Variants in ZNF423 observed in about 807,000 individuals in gnomAD.
ZNF423 encodes the protein zinc finger protein 423.
ZNF423 carries 12 observed loss-of-function variants against 95.8 expected under a neutral mutation model. The observed-to-expected ratio is 0.13, with a 90% CI of 0.08 to 0.20. ZNF423 has a LOEUF of 0.20. Among genes scored for constraint, ZNF423 ranks in the 10% least tolerant of loss-of-function variants. ZNF423 has a pLI of 1.00. For synonymous variants in ZNF423, 749 were observed against 711.9 expected (o/e 1.05, Z -0.83); for missense variants, 1,316 against 1,737.1 (o/e 0.76, Z 4.31).
intron 1 of ZNF423, among the ~76,000 whole-genome samples, chr16:49,828,231 C>T (rs566150652): frequency 2.0e-5 from 3 of 152,312 alleles, no homozygotes; most frequent in South Asian, 2.1e-4. Flanking sequence ...GCTCAGCCAT[C>T]GCTGCTTAGA....
intron 3 of ZNF423, among the ~76,000 whole-genome samples, chr16:49,689,916 G>A (rs556739675): frequency 6.6e-6 from 1 of 152,302 alleles, no homozygotes; most frequent in East Asian, 1.9e-4. Context: ...TCTGCCACCA[G>A]ATAGCTCAAT....
At chr16:49,678,109 G>A (rs1340908590) in intron 3 of ZNF423, among the ~76,000 whole-genome samples, 1 of 152,086 alleles carries the variant, frequency 6.6e-6, no homozygotes, top group Non-Finnish European at 1.5e-5. Context: ...CTTGAGCTTG[G>A]GAGGTGAAGG....
At position 49,656,510 on chromosome 16, in the gene ZNF423, A is replaced by T. The variant is rs1039884511; in HGVS notation, c.302-17636T>A. Among the ~76,000 whole-genome samples, 3 of 149,230 alleles carry T rather than the reference A, an allele frequency of 2.0e-5. No individual in the cohort carries two copies. The Admixed American group carries it at 2.0e-4, about 10-fold the overall frequency. On this transcript the variant is annotated intron_variant, in intron 3 of 7. Coordinates refer to ENST00000563137, the MANE Select transcript of ZNF423 (RefSeq NM_001379286.1). The stretch of plus-strand genomic sequence containing the variant: ...GGATGACAGAGCAAGACTCTGTCTT[A>T]AAAAAAAAAGAAAAAAAAAGGCAAG...
chr16:49,639,267 CA>C (rs1972884980), intron 3 of ZNF423, among the ~76,000 whole-genome samples: 1 of 152,122 alleles, frequency 6.6e-6, no homozygotes, highest in East Asian at 1.9e-4. Flanking sequence ...CAAGTCCTGT[CA>C]CTTGATCCAC....
chr16:49,829,519 G>A (rs767867622), intron 1 of ZNF423, among the ~76,000 whole-genome samples: 7 of 152,120 alleles, frequency 4.6e-5, no homozygotes, highest in South Asian at 2.1e-4. Context: ...GTGCAGAAAG[G>A]GTCAGATCCA....
intron 7 of ZNF423, among the ~76,000 whole-genome samples, chr16:49,509,415 A>G (rs1330089716): frequency 2.0e-5 from 3 of 152,188 alleles, no homozygotes; most frequent in Non-Finnish European, 4.4e-5. Flanking sequence ...GTGGAGCCAC[A>G]TTATTGACAC....
chr16:49,696,189 C>T (rs2031963021), intron 3 of ZNF423, among the ~76,000 whole-genome samples: 1 of 152,180 alleles, frequency 6.6e-6, no homozygotes, highest in South Asian at 2.1e-4. Context: ...TCCTTCCTCT[C>T]GCTTGAATGA....
At chr16:49,621,662 C>T (rs891881202) in intron 5 of ZNF423, among the ~76,000 whole-genome samples, 6 of 152,158 alleles carry the variant, frequency 3.9e-5, no homozygotes, top group African/African-American at 1.2e-4. Flanking sequence ...GGGACTTTTA[C>T]CCCCGTCAGC....
intron 5 of ZNF423, among the ~76,000 whole-genome samples, chr16:49,606,330 C>A (rs1971536086): frequency 6.6e-6 from 1 of 151,984 alleles, no homozygotes; most frequent in African/African-American, 2.4e-5. Flanking sequence ...CCTAGAGAAG[C>A]CAGCTTAAGA....
At chr16:49,539,340 C>A (rs1969169631) in intron 5 of ZNF423, among the ~76,000 whole-genome samples, 1 of 152,152 alleles carries the variant, frequency 6.6e-6, no homozygotes, top group African/African-American at 2.4e-5. Context: ...AACCCCATAC[C>A]ACCTCAGCCA....
intron 5 of ZNF423, among the ~76,000 whole-genome samples, chr16:49,598,949 A>G (rs189974266): frequency 1.3e-5 from 2 of 152,328 alleles, no homozygotes; most frequent in East Asian, 3.9e-4. Context: ...TTAACACCTG[A>G]AAGTGGGGTG....
chr16:49,848,089 G>A (rs1428634678), intron 1 of ZNF423, among the ~76,000 whole-genome samples: 2 of 152,004 alleles, frequency 1.3e-5, no homozygotes, highest in Admixed American at 1.3e-4. Flanking sequence ...GGGGGACAGA[G>A]CAAGATCCTG....
chr16:49,535,433 G>A (rs1244389236), intron 5 of ZNF423, among the ~76,000 whole-genome samples: 6 of 152,156 alleles, frequency 3.9e-5, no homozygotes, highest in Non-Finnish European at 5.9e-5. Flanking sequence ...CTCTTTGAGC[G>A]ATCAGCAATC....
chr16:49,646,963 C>A (rs1973198191), intron 3 of ZNF423, among the ~76,000 whole-genome samples: 2 of 152,140 alleles, frequency 1.3e-5, no homozygotes, highest in African/African-American at 4.8e-5. Flanking sequence ...TATTAACAAC[C>A]CCTTTTTATA....
chr16:49,561,609 T>C (rs930531121), intron 5 of ZNF423, among the ~76,000 whole-genome samples: 7 of 152,198 alleles, frequency 4.6e-5, no homozygotes, highest in African/African-American at 1.2e-4. Context: ...AATCACTAAA[T>C]TGATTCCTTT....
chr16:49,549,392 C>CT (rs1361412338), intron 5 of ZNF423, among the ~76,000 whole-genome samples: 1 of 152,206 alleles, frequency 6.6e-6, no homozygotes, highest in Admixed American at 6.5e-5. Flanking sequence ...GGGAAGAGCT[C>CT]TCACCAGGCA....
intron 1 of ZNF423, among the ~76,000 whole-genome samples, chr16:49,838,767 C>T (rs2035149442): frequency 6.6e-6 from 1 of 151,812 alleles, no homozygotes; most frequent in Non-Finnish European, 1.5e-5. Flanking sequence ...CGTGAGCGAG[C>T]TGCGCAGCCT....
At chr16:49,598,586 G>C (rs960863354) in intron 5 of ZNF423, among the ~76,000 whole-genome samples, 1 of 152,224 alleles carries the variant, frequency 6.6e-6, no homozygotes, top group African/African-American at 2.4e-5. Context: ...GTGAGCACGC[G>C]CACTGGGGAC....
chr16:49,769,316 A>G (rs1454768097), intron 2 of ZNF423, among the ~76,000 whole-genome samples: 9 of 151,282 alleles, frequency 5.9e-5, no homozygotes, highest in African/African-American at 1.9e-4. Flanking sequence ...GATCGCGCCA[A>G]TGCACTCCAG....
Sources: allele counts gnomAD v4.1 joint callset (sites outside exome capture counted in the v4.1 genomes callset), GRCh38; gene constraint gnomAD v4.1.1; transcripts MANE v1.5; gene names NCBI Gene and HGNC (gene_info 2026-07-23, HGNC 2026-07-21).